The following TBL1X variants were observed in gnomAD, a reference collection of about 807,000 sequenced individuals.
TBL1X encodes transducin beta like 1 X-linked.
In TBL1X, 10 loss-of-function variants were observed where a neutral mutation model predicts 50.7. The ratio of observed to expected loss-of-function variants is 0.20; its 90% CI spans 0.12 to 0.33. The LOEUF (loss-of-function observed/expected upper bound fraction) is 0.33. Among genes scored for constraint, TBL1X ranks in the 10% least tolerant of loss-of-function variants. The pLI is 1.00. For missense variants in TBL1X, 340 were observed against 504.4 expected (o/e 0.67, Z 3.12); for synonymous variants, 190 against 214.7 (o/e 0.88, Z 1.01).
At chrX:9,589,407 G>A (rs931313573) in intron 2 of TBL1X, among the ~76,000 whole-genome samples, 3 of 109,065 alleles carry the variant, frequency 2.8e-5, no homozygotes, top group Non-Finnish European at 5.7e-5. Flanking sequence ...CCTTGTAGAT[G>A]CTACAAGGGA....
intron 2 of TBL1X, among the ~76,000 whole-genome samples, chrX:9,621,090 G>A (rs961643189): frequency 4.5e-5 from 5 of 111,821 alleles, no homozygotes; most frequent in African/African-American, 6.5e-5. Context: ...TTGGGTGGGT[G>A]GAGGTCTCTG....
At chrX:9,472,912 C>CAA (rs1187116690) in intron 1 of TBL1X, among the ~76,000 whole-genome samples, 1 of 92,748 alleles carries the variant, frequency 1.1e-5, no homozygotes, top group African/African-American at 4.1e-5. Flanking sequence ...GACTCCGTCT[C>CAA]AAAAAAAAAA....
intron 1 of TBL1X, among the ~76,000 whole-genome samples, chrX:9,494,308 T>C (rs775839391): frequency 4.3e-4 from 48 of 112,022 alleles, no homozygotes; most frequent in Admixed American, 7.6e-4. Flanking sequence ...GGTTGTCTTA[T>C]AGGGTCTGAG....
intron 5 of TBL1X, among the ~76,000 whole-genome samples, chrX:9,671,085 G>T: frequency 8.9e-6 from 1 of 112,050 alleles, no homozygotes; most frequent in Middle Eastern, 4.6e-3. Context: ...ACATTTTGCT[G>T]GTATGTTGGG....
chrX:9,501,630 T>C (rs1319765408), intron 1 of TBL1X, 150 bp from the exon 2 acceptor site: 1 of 111,882 alleles, frequency 8.9e-6, no homozygotes, highest in Non-Finnish European at 1.9e-5. Context: ...TGGAATGCCC[T>C]GGGCTGAGTC....
chrX:9,557,843 C>T (rs1054689331), intron 2 of TBL1X, among the ~76,000 whole-genome samples: 1 of 111,750 alleles, frequency 8.9e-6, no homozygotes, highest in African/African-American at 3.3e-5. Context: ...GTGGAGAACC[C>T]GCTTAATAAA....
rs776300938 is a variant in TBL1X, at chrX:9,688,174, C to T, written c.515C>T (p.Ala172Val). The change falls in exon 7 of 18, where the codon GCG (alanine) becomes GTG (valine). Residue 172 changes from alanine to valine, a missense_variant. Coordinates refer to ENST00000645353, the MANE Select transcript of TBL1X (RefSeq NM_005647.4). ...AAAAAAATAA[A>V]TAATTTSAGV... ...GCGGCGGCTGCGGCCACGGCAGCAGCGACAGCAGCCACCACGACCTCAGCC... is the reference window on the plus strand; with the variant it reads ...GCGGCGGCTGCGGCCACGGCAGCAGTGACAGCAGCCACCACGACCTCAGCC... 9 of 1,195,858 alleles carry T rather than the reference C, an allele frequency of 7.5e-6. No individual in the cohort carries two copies. Among genetic ancestry groups the T allele is most frequent in the East Asian group, 3.0e-5 (1 of 32,945 alleles).
intron 3 of TBL1X, among the ~76,000 whole-genome samples, chrX:9,652,431 ATACTTTG>A (rs1178667250): frequency 8.9e-6 from 1 of 112,275 alleles, no homozygotes; most frequent in Non-Finnish European, 1.9e-5. Flanking sequence ...ACTTGAACAT[ATACTTTG>A]TACTTTTCTC....
At chrX:9,568,055 G>A (rs2082360760) in intron 2 of TBL1X, among the ~76,000 whole-genome samples, 1 of 111,999 alleles carries the variant, frequency 8.9e-6, no homozygotes, top group African/African-American at 3.2e-5. Context: ...GTGCTGTTGC[G>A]GATGCCCAGC....
At chrX:9,544,154 C>G (rs1227339833) in intron 2 of TBL1X, among the ~76,000 whole-genome samples, 3 of 111,805 alleles carry the variant, frequency 2.7e-5, no homozygotes, top group East Asian at 5.6e-4. Flanking sequence ...TAAAGGTATT[C>G]CAAACTCCTA....
At chrX:9,656,477 A>G (rs963202919) in intron 5 of TBL1X, among the ~76,000 whole-genome samples, 27 of 112,517 alleles carry the variant, frequency 2.4e-4, no homozygotes, top group African/African-American at 8.1e-4. Flanking sequence ...TGAAATAAAC[A>G]CAGAAACCCC....
chrX:9,509,946 A>C (rs1217578485), intron 2 of TBL1X, among the ~76,000 whole-genome samples: 1 of 111,383 alleles, frequency 9.0e-6, no homozygotes, highest in Non-Finnish European at 1.9e-5. Context: ...AACTTGTGTT[A>C]TTAATGATAT....
intron 2 of TBL1X, among the ~76,000 whole-genome samples, chrX:9,528,424 G>T (rs888529306): frequency 2.7e-5 from 3 of 110,716 alleles, no homozygotes; most frequent in Admixed American, 9.7e-5. Context: ...GTTCTCCCGA[G>T]GCCCTGAACA....
chrX:9,595,015 G>A (rs2082520593), intron 2 of TBL1X, among the ~76,000 whole-genome samples: 1 of 111,759 alleles, frequency 8.9e-6, no homozygotes, highest in Admixed American at 9.4e-5. Context: ...TTCCCCGCTG[G>A]GTCAACTACC....
At chrX:9,500,327 G>T (rs1470459268) in intron 1 of TBL1X, among the ~76,000 whole-genome samples, 2 of 107,584 alleles carry the variant, frequency 1.9e-5, no homozygotes, top group Non-Finnish European at 3.9e-5. Flanking sequence ...AGGTGTGGTG[G>T]CTCACACCTA....
chrX:9,665,489 C>CTACATATAAATATATATATATATATA (rs1555906691), intron 5 of TBL1X, among the ~76,000 whole-genome samples: 1 of 19,798 alleles, frequency 5.1e-5, no homozygotes, highest in African/African-American at 2.0e-4. Flanking sequence ...GATATTCAAG[C>CTACATATAAATATATATATATATATA]TATATATATA....
intron 2 of TBL1X, among the ~76,000 whole-genome samples, chrX:9,590,102 A>G (rs1332083078): frequency 1.8e-5 from 2 of 112,347 alleles, no homozygotes; most frequent in Non-Finnish European, 3.8e-5. Context: ...ACGGGGAACC[A>G]TCACAGGTCA....
intron 2 of TBL1X, among the ~76,000 whole-genome samples, chrX:9,542,079 C>T (rs747658079): frequency 1.8e-5 from 2 of 110,228 alleles, no homozygotes; most frequent in Non-Finnish European, 3.8e-5. Flanking sequence ...ATTGTTGTAG[C>T]GATTTACAAG....
At chrX:9,506,021 C>A (rs1601720581) in intron 2 of TBL1X, among the ~76,000 whole-genome samples, 1 of 112,372 alleles carries the variant, frequency 8.9e-6, no homozygotes, top group East Asian at 2.8e-4. Context: ...CCACATGGCA[C>A]TTATTCTAAA....
Sources: gnomAD v4.1 joint callset for allele counts (sites outside exome capture counted in the v4.1 genomes callset) on GRCh38, gnomAD v4.1.1 for gene constraint, MANE v1.5 for transcripts, NCBI Gene and HGNC (gene_info 2026-07-23, HGNC 2026-07-21) for gene names.